The following KL variants were observed in gnomAD, a reference collection of about 807,000 sequenced individuals.
The protein encoded by KL is alpha-klotho.
KL carries 62 observed loss-of-function variants against 84.2 expected under a neutral mutation model. The ratio of observed to expected loss-of-function variants is 0.74; its 90% CI spans 0.60 to 0.91. The LOEUF is 0.91. KL is among the 40% of genes least tolerant of loss of function. The pLI, the probability that KL is intolerant of heterozygous loss-of-function variation, is 0.00. For missense variants in KL, 1,261 were observed against 1,305.7 expected, an observed-to-expected ratio of 0.97 and a Z score of 0.53; for synonymous variants, 528 against 528.0, an observed-to-expected ratio of 1.00 and a Z score of 0.00.
chr13:33,053,896 C>A lies in KL; in HGVS notation c.949C>A (p.Gln317Lys), dbSNP rs188831765. Reference sequence around the variant, plus strand: ...GACCGACCACAGCATCAAAGAATGTCAAAAATCTCTGGACTTTGTACTAGG... The same window carrying A: ...GACCGACCACAGCATCAAAGAATGTAAAAAATCTCTGGACTTTGTACTAGG... The part of the protein sequence containing the change: ...RMTDHSIKEC[Q>K]KSLDFVLGWF... The change falls in exon 2 of 5, where the codon CAA (glutamine) becomes AAA (lysine). Residue 317 changes from glutamine to lysine, a missense_variant. Gln to Lys is a moderately conservative substitution (Grantham distance 53). Coordinates refer to ENST00000380099, the MANE Select transcript of KL (RefSeq NM_004795.4). 3.3e-5 allele frequency: 54 copies of A among 1,614,144 alleles called. No individual in the cohort carries two copies. Among genetic ancestry groups the A allele is most frequent in the Non-Finnish European group, 4.2e-6 (5 of 1,180,018 alleles).
intron 1 of KL, among the ~76,000 whole-genome samples, chr13:33,052,220 G>T (rs1437983147): frequency 6.6e-6 from 1 of 152,138 alleles, no homozygotes; most frequent in Non-Finnish European, 1.5e-5. Context: ...CTGGGATTTC[G>T]GCCTCCCAAA....
chr13:33,052,278 T>G (rs1165006592), intron 1 of KL, among the ~76,000 whole-genome samples: 1 of 152,196 alleles, frequency 6.6e-6, no homozygotes, highest in East Asian at 1.9e-4. Context: ...TCTGTTTAAC[T>G]GTTAACATCA....
intron 1 of KL, among the ~76,000 whole-genome samples, chr13:33,035,111 C>T (rs147867548): frequency 7.0e-4 from 107 of 152,262 alleles, no homozygotes; most frequent in African/African-American, 2.2e-3. Flanking sequence ...AAGAGCAGGC[C>T]GATGACTTTC....
intron 1 of KL, among the ~76,000 whole-genome samples, chr13:33,036,203 A>G (rs1302751548): frequency 3.9e-5 from 6 of 152,226 alleles, no homozygotes; most frequent in Non-Finnish European, 7.3e-5. Flanking sequence ...AAACAAGCTT[A>G]AGGAAGAAAA....
rs1872204818 is a variant in KL at position 33,061,599 on chromosome 13, C to T, written c.2520C>T (p.Asn840=). Residue 840 remains asparagine, a synonymous_variant, in exon 4 of 5, where the codon AAC becomes AAT. Transcript: ENST00000380099. ...AAATGACCGACATCACGTGGCTCAA[C>T]TCCCCCAGTCAGGTGGCGGTAGTGC... ...VQEMTDITWL[N]SPSQVAVVPW... 1 of 1,614,102 alleles carries T rather than the reference C, an allele frequency of 6.2e-7. No individual in the cohort carries two copies. Among genetic ancestry groups the T allele is most frequent in the South Asian group, 1.1e-5 (1 of 91,080 alleles).
rs929101956 is a variant in KL at position 33,055,076 on chromosome 13, G to A, written c.1360G>A (p.Gly454Arg). The A allele has an allele frequency of 5.6e-6, 9 of 1,614,018 alleles. No homozygotes were observed. Among genetic ancestry groups the A allele is most frequent in the Admixed American group, 1.7e-5 (1 of 59,992 alleles). ...AIKLDGVDVI[G>R]YTAWSLMDGF... ...CAAGCTGGATGGGGTGGATGTCATCGGGTATACCGCATGGTCCCTCATGGA... is the reference window on the plus strand; with the variant it reads ...CAAGCTGGATGGGGTGGATGTCATCAGGTATACCGCATGGTCCCTCATGGA... The change falls in exon 3 of 5, where the codon GGG becomes AGG. Residue 454 changes from glycine to arginine, a missense_variant. Gly to Arg is a moderately radical substitution (Grantham distance 125). Transcript: ENST00000380099.
At chr13:33,056,639 C>CAAAA (rs57452305) in intron 3 of KL, among the ~76,000 whole-genome samples, 13 of 144,510 alleles carry the variant, frequency 9.0e-5, no homozygotes, top group Non-Finnish European at 1.4e-4. Context: ...ACTAAAAATA[C>CAAAA]AAAAAAAAAA....
chr13:33,023,906 C>T (rs1391303437), intron 1 of KL, among the ~76,000 whole-genome samples: 1 of 152,226 alleles, frequency 6.6e-6, no homozygotes, highest in African/African-American at 2.4e-5. Flanking sequence ...CCAGGTTACA[C>T]TTCTCTCCAG....
chr13:33,017,419 G>A (rs1279954998), intron 1 of KL, among the ~76,000 whole-genome samples, 160 bp downstream of exon 1: 1 of 152,264 alleles, frequency 6.6e-6, no homozygotes, highest in Middle Eastern at 3.2e-3. Context: ...ACTTCCCTTG[G>A]AAGGCGTGGA....
At chr13:33,051,172 T>G (rs533673588) in intron 1 of KL, among the ~76,000 whole-genome samples, 4 of 152,324 alleles carry the variant, frequency 2.6e-5, no homozygotes, top group Non-Finnish European at 5.9e-5. Flanking sequence ...CATTTAGTCC[T>G]CACAACAGTC....
chr13:33,044,640 C>CTTT (rs71071071), intron 1 of KL, among the ~76,000 whole-genome samples: 7,668 of 52,356 alleles, frequency 0.15, 2,538 homozygotes, highest in Non-Finnish European at 0.19. Context: ...AATTGATTTT[C>CTTT]TTTTTTTTTT....
chr13:33,063,210 G>T (rs532518889), intron 4 of KL, among the ~76,000 whole-genome samples: 1 of 151,378 alleles, frequency 6.6e-6, no homozygotes, highest in East Asian at 1.9e-4. Flanking sequence ...TGAAGGTTAA[G>T]TTTCAGCATA....
chr13:33,027,727 G>A (rs1870829993), intron 1 of KL, among the ~76,000 whole-genome samples: 1 of 152,066 alleles, frequency 6.6e-6, no homozygotes, highest in Non-Finnish European at 1.5e-5. Context: ...TTTAGCAATT[G>A]AAGCACCATT....
chr13:33,041,913 T>C (rs1215215305), intron 1 of KL, among the ~76,000 whole-genome samples: 1 of 152,224 alleles, frequency 6.6e-6, no homozygotes, highest in Non-Finnish European at 1.5e-5. Flanking sequence ...TGTTACCTTC[T>C]ATCCTTTCTC....
chr13:33,051,778 C>G (rs1871758048), intron 1 of KL, among the ~76,000 whole-genome samples: 1 of 152,162 alleles, frequency 6.6e-6, no homozygotes, highest in Non-Finnish European at 1.5e-5. Context: ...CTCTTTCATT[C>G]CCTGTTCAGC....
intron 1 of KL, among the ~76,000 whole-genome samples, chr13:33,027,594 T>A (rs2138197006): frequency 6.6e-6 from 1 of 152,228 alleles, no homozygotes; most frequent in Non-Finnish European, 1.5e-5. Flanking sequence ...CTCTGTAGAG[T>A]CTCAATACAA....
At chr13:33,020,327 C>T (rs912610298) in intron 1 of KL, among the ~76,000 whole-genome samples, 3 of 152,102 alleles carry the variant, frequency 2.0e-5, no homozygotes, top group Non-Finnish European at 2.9e-5. Flanking sequence ...AGCTCCCTGG[C>T]GATTCCCTCT....
intron 1 of KL, among the ~76,000 whole-genome samples, chr13:33,035,599 TC>T (rs1460986017): frequency 6.7e-6 from 1 of 150,318 alleles, no homozygotes; most frequent in African/African-American, 2.5e-5. Flanking sequence ...GTCTCTTTTT[TC>T]TCATCTAGCC....
chr13:33,017,024 A>T lies in KL; in HGVS notation c.584A>T (p.Asp195Val). ...VQPVVTLYHW[D>V]LPQRLQDAYG... ...CCCGTGGTCACCCTGTACCACTGGG[A>T]CCTGCCCCAGCGCCTGCAGGACGCC... The change falls in exon 1 of 5, where the codon GAC becomes GTC. Residue 195 changes from aspartate (D) to valine (V), a missense_variant. Transcript: ENST00000380099. 1 of 1,597,512 alleles carries T rather than the reference A, an allele frequency of 6.3e-7. No individual in the cohort carries two copies. Among genetic ancestry groups the T allele is most frequent in the Non-Finnish European group, 8.5e-7 (1 of 1,175,874 alleles).
Sources: allele counts gnomAD v4.1 joint callset (sites outside exome capture counted in the v4.1 genomes callset), GRCh38; gene constraint gnomAD v4.1.1; transcripts MANE v1.5; gene names NCBI Gene and HGNC (gene_info 2026-07-23, HGNC 2026-07-21).